HTRA1: variants seen among roughly 807,000 people sequenced by gnomAD.
HTRA1 encodes HtrA serine peptidase 1, also known as serine protease HTRA1.
Under a neutral mutation model 49.7 loss-of-function variants are expected in HTRA1, and 26 were observed. The ratio of observed to expected loss-of-function variants is 0.52; its 90% CI spans 0.38 to 0.73. The LOEUF (loss-of-function observed/expected upper bound fraction) is 0.73, where lower values mean the gene tolerates loss of function less well. HTRA1 is among the 30% of genes least tolerant of loss of function. HTRA1 has a pLI of 0.00. For synonymous variants in HTRA1, 291 were observed against 286.9 expected, an observed-to-expected ratio of 1.01 and a Z score of -0.14; for missense variants, 561 against 667.2, an observed-to-expected ratio of 0.84 and a Z score of 1.75.
At chr10:122,496,258 T>TTTTTTTTTTTTTTTTTG (rs1565427230) in intron 3 of HTRA1, among the ~76,000 whole-genome samples, 1 of 132,576 alleles carries the variant, frequency 7.5e-6, no homozygotes, top group African/African-American at 2.8e-5. Context: ...TTTTTTTTTT[T>TTTTTTTTTTTTTTTTTG]TGCAGAGATG....
In HTRA1 at chr10:122,494,986, C is replaced by T. The variant is rs1196531744; in HGVS notation, c.777+5360C>T. 6.6e-6 allele frequency among the ~76,000 whole-genome samples: 1 copy of T among 152,090 alleles called. No individual in the cohort carries two copies. Among genetic ancestry groups the T allele is most frequent in the African/African-American group, 2.4e-5 (1 of 41,402 alleles). On this transcript the variant is annotated intron_variant, in intron 3 of 8. Coordinates refer to ENST00000368984, the MANE Select transcript of HTRA1 (RefSeq NM_002775.5). The surrounding 1 kb of genome is among the most constrained non-coding windows in gnomAD (Gnocchi z 4.0). ...GTTCAGGCAGCCCCCCGGGACATGG[C>T]AGTGGCGGGGAGTGGACTGGGGTGG...
At chr10:122,469,928 C>A (rs2097485414) in intron 1 of HTRA1, among the ~76,000 whole-genome samples, 1 of 152,066 alleles carries the variant, frequency 6.6e-6, no homozygotes, top group Non-Finnish European at 1.5e-5. Context: ...CTATTGTGGG[C>A]TGAGAATATA....
At chr10:122,470,491 G>A (rs2097485644) in intron 1 of HTRA1, among the ~76,000 whole-genome samples, 2 of 151,994 alleles carry the variant, frequency 1.3e-5, no homozygotes, top group South Asian at 4.2e-4. Flanking sequence ...TCAGTGCTAG[G>A]AATCCTAAAG....
chr10:122,484,878 C>T lies in HTRA1; in HGVS notation c.473-4024C>T, dbSNP rs115127431. Among the ~76,000 whole-genome samples the T allele has an allele frequency of 9.1e-3, 1,391 of 152,320 alleles. 27 individuals are homozygous for T. Among genetic ancestry groups the T allele is most frequent in the African/African-American group, 0.032 (1,321 of 41,554 alleles). On this transcript the variant is annotated intron_variant, in intron 1 of 8. Transcript: ENST00000368984. The stretch of plus-strand genomic sequence containing the variant: ...AGCAGTGGACGCCCCCACCCTCTGT[C>T]CCCTGAACCCCTTGGAGAGTAGGCA...
rs1026411954 is a variant in HTRA1 at position 122,464,515 on chromosome 10, G to A, written c.472+2391G>A. ...TGCATGTTTGTCTGTCTGGCACATC[G>A]GAGGTACTTGGTACGAGTGGATTAG... On this transcript the variant is annotated intron_variant, in intron 1 of 8. Coordinates refer to ENST00000368984, the MANE Select transcript of HTRA1 (RefSeq NM_002775.5). The surrounding 1 kb of genome is among the most constrained non-coding windows in gnomAD (Gnocchi z 4.8). 3.9e-5 allele frequency among the ~76,000 whole-genome samples: 6 copies of A among 152,178 alleles called. No individual in the cohort carries two copies. Among genetic ancestry groups the A allele is most frequent in the African/African-American group, 1.4e-4 (6 of 41,430 alleles).
At position 122,514,725 on chromosome 10, in the gene HTRA1, A is replaced by G. The variant is rs2097507159; in HGVS notation, c.*366A>G. 3.1e-6 allele frequency: 1 copy of G among 322,884 alleles called. No individual in the cohort carries two copies. Among genetic ancestry groups the G allele is most frequent in the African/African-American group, 2.2e-5 (1 of 46,486 alleles). The allele number at this position is 322,884 out of a possible 1,614,324, so 20.0% of individuals were successfully genotyped here. A position where few individuals can be genotyped will look rare whatever the true frequency, so the allele number is the denominator to read the frequency against. On this transcript the variant is annotated 3_prime_UTR_variant, in exon 9 of 9. Coordinates refer to ENST00000368984, the MANE Select transcript of HTRA1 (RefSeq NM_002775.5). The stretch of plus-strand genomic sequence containing the variant: ...AGATAGAAGAAGCCCCACGGGAGCC[A>G]GGATGGGACTGGTCGTGTTTGTGCT...
chr10:122,497,256 C>T (rs2097499109), intron 3 of HTRA1, among the ~76,000 whole-genome samples: 1 of 152,114 alleles, frequency 6.6e-6, no homozygotes, highest in Non-Finnish European at 1.5e-5. Flanking sequence ...ACTGGCCTTC[C>T]CTGTGTTCCC....
At chr10:122,462,166 C>A in intron 1 of HTRA1, 42 bp downstream of exon 1, 1 of 1,461,310 alleles carries the variant, frequency 6.8e-7, no homozygotes, top group Non-Finnish European at 9.2e-7. Flanking sequence ...CTCTCTCCAT[C>A]CCAGCTCGGA....
intron 1 of HTRA1, among the ~76,000 whole-genome samples, chr10:122,472,316 AAAG>A (rs1436039439): frequency 2.0e-5 from 3 of 151,182 alleles, no homozygotes; most frequent in East Asian, 1.9e-4. Context: ...AAAATTAAGA[AAAG>A]AAGATTCATA....
intron 3 of HTRA1, among the ~76,000 whole-genome samples, chr10:122,493,298 C>T (rs2097496785): frequency 6.6e-6 from 1 of 152,240 alleles, no homozygotes; most frequent in African/African-American, 2.4e-5. Flanking sequence ...GGACCCACGA[C>T]TGGGGCCAGC....
At chr10:122,512,778 G>T (rs1337475540) in intron 8 of HTRA1, among the ~76,000 whole-genome samples, 2 of 152,224 alleles carry the variant, frequency 1.3e-5, no homozygotes, top group East Asian at 3.9e-4. Context: ...GTGGTGATTT[G>T]TGAGGTTTTG....
chr10:122,479,531 T>C (rs2097490079), intron 1 of HTRA1, among the ~76,000 whole-genome samples: 1 of 152,210 alleles, frequency 6.6e-6, no homozygotes, highest in African/African-American at 2.4e-5. Context: ...CTACAATAAA[T>C]AGATCCTATT....
At chr10:122,497,800 T>C (rs1459787466) in intron 3 of HTRA1, among the ~76,000 whole-genome samples, 1 of 152,262 alleles carries the variant, frequency 6.6e-6, no homozygotes, top group African/African-American at 2.4e-5. Context: ...TAAATATTTC[T>C]GGAGCATCTG....
intron 3 of HTRA1, among the ~76,000 whole-genome samples, chr10:122,501,020 G>A (rs1403512797): frequency 1.3e-5 from 2 of 152,204 alleles, no homozygotes; most frequent in Non-Finnish European, 2.9e-5. Flanking sequence ...CATCTGGGAG[G>A]TGGGGAGCAG....
chr10:122,482,110 A>G (rs1030643768), intron 1 of HTRA1, among the ~76,000 whole-genome samples: 6 of 152,172 alleles, frequency 3.9e-5, no homozygotes, highest in African/African-American at 1.4e-4. Flanking sequence ...AAACAATTTG[A>G]TAAGTATTTG....
At chr10:122,466,976 A>C (rs11200641) in intron 1 of HTRA1, among the ~76,000 whole-genome samples, 4,437 of 152,322 alleles carry the variant, frequency 0.029, 210 homozygotes, top group Admixed American at 0.14. Flanking sequence ...TGTTTGAGTT[A>C]CTTCATTCCA....
At chr10:122,466,497 G>C (rs147781852) in intron 1 of HTRA1, among the ~76,000 whole-genome samples, 1 of 152,150 alleles carries the variant, frequency 6.6e-6, no homozygotes, top group Admixed American at 6.5e-5. Context: ...TGACTCTTTC[G>C]TGGGAACCTC....
At chr10:122,488,091 A>T (rs2097493861) in intron 1 of HTRA1, among the ~76,000 whole-genome samples, 2 of 152,140 alleles carry the variant, frequency 1.3e-5, no homozygotes, top group Non-Finnish European at 2.9e-5. Flanking sequence ...TGGGAAAGAT[A>T]GGAGCTGCCC....
intron 1 of HTRA1, among the ~76,000 whole-genome samples, chr10:122,477,372 T>C (rs1392056506): frequency 6.6e-6 from 1 of 152,168 alleles, no homozygotes; most frequent in African/African-American, 2.4e-5. Context: ...CTCCAGTATG[T>C]ACCTCCCACA....
Sources: allele counts gnomAD v4.1 joint callset (sites outside exome capture counted in the v4.1 genomes callset), GRCh38; gene constraint gnomAD v4.1.1; non-coding constraint Gnocchi (gnomAD v3.1); transcripts MANE v1.5; gene names NCBI Gene and HGNC (gene_info 2026-07-23, HGNC 2026-07-21).